CSNK1D: variants seen among roughly 807,000 people sequenced by gnomAD.
The protein encoded by CSNK1D is casein kinase I isoform delta.
Under a neutral mutation model 46.6 loss-of-function variants are expected in CSNK1D, and 16 were observed. The observed-to-expected ratio is 0.34, with a 90% confidence interval of 0.23 to 0.52. The LOEUF (loss-of-function observed/expected upper bound fraction) is 0.52, where lower values mean the gene tolerates loss of function less well. Ranked by LOEUF, CSNK1D falls within the 20% of genes least tolerant of loss-of-function variation. CSNK1D has a pLI of 0.95. For missense variants in CSNK1D, 398 were observed against 578.4 expected (o/e 0.69, Z 3.20); for synonymous variants, 276 against 228.2 (o/e 1.21, Z -1.89).
Position 82,248,541 on chromosome 17 carries a change from G to A in CSNK1D, c.1197+334C>T. ...TGGGGGCACCCACAATGGGGCGCAA[G>A]CAGGCGAGCGGTGTCAGCTGCCTGG... On this transcript the variant is annotated intron_variant, in intron 8 of 8. Coordinates refer to ENST00000314028, the MANE Select transcript of CSNK1D (RefSeq NM_001893.6). The surrounding 1 kb of genome is among the most constrained non-coding windows in gnomAD (Gnocchi z 4.1). 1 of 1,170,426 alleles carries A rather than the reference G, an allele frequency of 8.5e-7. No homozygotes were observed. Among genetic ancestry groups the A allele is most frequent in the Non-Finnish European group, 1.1e-6 (1 of 939,520 alleles). 72.5% of individuals were successfully genotyped at this position (1,170,426 alleles called of 1,614,324 possible).
Position 82,246,616 on chromosome 17 carries a change from C to A in CSNK1D, c.1198-1785G>T. Reference sequence around the variant, plus strand: ...AGAGAGGGGGCGAAGAGGGAACAGACCCAGGCGGAGTCCGGGCTGGGGCGG... The same window carrying A: ...AGAGAGGGGGCGAAGAGGGAACAGAACCAGGCGGAGTCCGGGCTGGGGCGG... On this transcript the variant is annotated intron_variant, in intron 8 of 8. Coordinates refer to ENST00000314028, the MANE Select transcript of CSNK1D (RefSeq NM_001893.6). The A allele has an allele frequency of 4.0e-6, 4 of 1,010,918 alleles. No individual in the cohort carries two copies. The South Asian group carries it at 1.2e-4, about 30-fold the overall frequency. The allele number at this position is 1,010,918 out of a possible 1,614,324, so 62.6% of individuals were successfully genotyped here.
rs1311904141 is a variant in CSNK1D, at chr17:82,248,736, G to A, written c.1197+139C>T. The A allele has an allele frequency of 6.0e-6, 9 of 1,489,196 alleles. No individual in the cohort carries two copies. Among genetic ancestry groups the A allele is most frequent in the Admixed American group, 2.2e-5 (1 of 46,066 alleles). 92.2% of individuals were successfully genotyped at this position (1,489,196 alleles called of 1,614,324 possible). A position where few individuals can be genotyped will look rare whatever the true frequency, so the allele number is the denominator to read the frequency against. On this transcript the variant is annotated intron_variant, in intron 8 of 8. Coordinates refer to ENST00000314028, the MANE Select transcript of CSNK1D (RefSeq NM_001893.6). The surrounding 1 kb of genome is among the most constrained non-coding windows in gnomAD (Gnocchi z 4.1). ...GAGAAGCCTCATCTGCAACCAAGACGCCACACCCTGGCGAGATTAAAAACT... is the reference window on the plus strand; with the variant it reads ...GAGAAGCCTCATCTGCAACCAAGACACCACACCCTGGCGAGATTAAAAACT...
At position 82,252,680 on chromosome 17, in the gene CSNK1D, C is replaced by T; in HGVS notation, c.566-76G>A. 1 of 1,442,292 alleles carries T rather than the reference C, an allele frequency of 6.9e-7. No individual in the cohort carries two copies. The highest frequency in any genetic ancestry group is 9.5e-7 in the Non-Finnish European group (1 of 1,052,896). 89.3% of individuals were successfully genotyped at this position (1,442,292 alleles called of 1,614,324 possible). ...AAAGCAAAAGACCCGGCTGGCCGTT[C>T]CAGTGGAGACTAGCCTCAGACACAC... On this transcript the variant is annotated intron_variant, in intron 4 of 8. Coordinates refer to ENST00000314028, the MANE Select transcript of CSNK1D (RefSeq NM_001893.6). This position sits in a 1 kb window ranked among gnomAD's most constrained non-coding sequence, Gnocchi z 4.6.
downstream of CSNK1D, chr17:82,240,141 C>T: frequency 9.1e-7 from 1 of 1,098,968 alleles, no homozygotes. Flanking sequence ...GCCAGCTGGG[C>T]TTGAGCTCTT....
At chr17:82,264,489 G>A (rs1401994205) in intron 2 of CSNK1D, among the ~76,000 whole-genome samples, 4 of 152,206 alleles carry the variant, frequency 2.6e-5, no homozygotes, top group Admixed American at 1.3e-4. Flanking sequence ...CTGGCCCACC[G>A]TGGAACACCA....
rs752681650 is a variant in CSNK1D at position 82,244,436 on chromosome 17, G to A, written c.*345C>T. On this transcript the variant is annotated 3_prime_UTR_variant, in exon 9 of 9. Transcript: ENST00000314028. The stretch of plus-strand genomic sequence containing the variant: ...ACTGTCTTAACCAAGTAGAAGATTG[G>A]TAGTTACAGTGGAATCGTCAGGGAG... 1 of 1,281,758 alleles carries A rather than the reference G, an allele frequency of 7.8e-7. No individual in the cohort carries two copies. Among genetic ancestry groups the A allele is most frequent in the Non-Finnish European group, 1.0e-6 (1 of 1,004,808 alleles). 79.4% of individuals were successfully genotyped at this position (1,281,758 alleles called of 1,614,324 possible). A position where few individuals can be genotyped will look rare whatever the true frequency, so the allele number is the denominator to read the frequency against.
rs2147146614 is a variant in CSNK1D at position 82,243,032 on chromosome 17, A to C, written c.*1749T>G. ...TTCAAGAAGGGGTCCAGCAACAAAG[A>C]AAATCTCTTAACTCGGCTCTGACCC... On this transcript the variant is annotated 3_prime_UTR_variant, in exon 9 of 9. Transcript: ENST00000314028. 1 of 985,410 alleles carries C rather than the reference A, an allele frequency of 1.0e-6. No homozygotes were observed. Among genetic ancestry groups the C allele is most frequent in the Non-Finnish European group, 1.2e-6 (1 of 829,938 alleles). 61.0% of individuals were successfully genotyped at this position (985,410 alleles called of 1,614,324 possible).
At position 82,255,465 on chromosome 17, in the gene CSNK1D, G is replaced by T; in HGVS notation, c.300C>A (p.Phe100Leu). ...CAAGCAGCAGGACGGTTTTGAGGCTGAATTTCCTGGAGCAGAAGTTGAAGA... is the reference window on the plus strand; with the variant it reads ...CAAGCAGCAGGACGGTTTTGAGGCTTAATTTCCTGGAGCAGAAGTTGAAGA... ...EDLFNFCSRK[F>L]SLKTVLLLAD... Residue 100 changes from phenylalanine to leucine, a missense_variant, in exon 3 of 9, where the codon TTC (phenylalanine) becomes TTA (leucine). By Grantham distance (22) the Phe-to-Leu change is conservative. Around this residue, in one of 2 missense-constraint regions of CSNK1D, gnomAD observed 217 missense variants for 370.3 expected, o/e 0.59. Transcript: ENST00000314028. This position sits in a 1 kb window ranked among gnomAD's most constrained non-coding sequence, Gnocchi z 5.9. 1 of 1,614,214 alleles carries T rather than the reference G, an allele frequency of 6.2e-7. No individual in the cohort carries two copies. The highest frequency in any genetic ancestry group is 8.5e-7 in the Non-Finnish European group (1 of 1,180,036).
At chr17:82,256,664 G>A (rs1047930708) in intron 2 of CSNK1D, among the ~76,000 whole-genome samples, 4 of 152,262 alleles carry the variant, frequency 2.6e-5, no homozygotes, top group East Asian at 1.9e-4. Flanking sequence ...AATGTGCACC[G>A]CAGCCTCACG....
At chr17:82,240,530 C>T (rs928060980), downstream of CSNK1D, among the ~76,000 whole-genome samples, 11 of 152,130 alleles carry the variant, frequency 7.2e-5, no homozygotes, top group South Asian at 2.1e-4. Flanking sequence ...GGTCATGGGC[C>T]GGGTGAGGGG....
intron 3 of CSNK1D, among the ~76,000 whole-genome samples, chr17:82,254,925 G>A (rs1337851594): frequency 7.3e-6 from 1 of 136,754 alleles, no homozygotes; most frequent in Non-Finnish European, 1.6e-5. Context: ...AGAAGCCAGT[G>A]AGCTGAGCCA....
At position 82,242,677 on chromosome 17, in the gene CSNK1D, G is replaced by C; in HGVS notation, c.*2104C>G. Reference sequence around the variant, plus strand: ...GAAAGGGGAGGGAAGAAAGGTAGAAGTCATTATGAATTTATTATTTACACG... The same window carrying C: ...GAAAGGGGAGGGAAGAAAGGTAGAACTCATTATGAATTTATTATTTACACG... On this transcript the variant is annotated 3_prime_UTR_variant, in exon 9 of 9. Coordinates refer to ENST00000314028, the MANE Select transcript of CSNK1D (RefSeq NM_001893.6). 1.0e-6 allele frequency: 1 copy of C among 985,416 alleles called. No homozygotes were observed. The highest frequency in any genetic ancestry group is 1.2e-6 in the Non-Finnish European group (1 of 829,868). The allele number at this position is 985,416 out of a possible 1,614,324, so 61.0% of individuals were successfully genotyped here.
At chr17:82,241,237 G>A (rs1198384443), downstream of CSNK1D, among the ~76,000 whole-genome samples, 2 of 152,224 alleles carry the variant, frequency 1.3e-5, no homozygotes, top group Non-Finnish European at 2.9e-5. Context: ...GAACAGATGT[G>A]TGCAAGGCCT....
chr17:82,270,126 C>G (rs2051581941), intron 1 of CSNK1D, among the ~76,000 whole-genome samples: 1 of 152,350 alleles, frequency 6.6e-6, no homozygotes, highest in East Asian at 1.9e-4. Context: ...AGACTGAAGA[C>G]AGATTGTTCT....
intron 2 of CSNK1D, among the ~76,000 whole-genome samples, chr17:82,257,801 G>T (rs1041079938): frequency 2.0e-5 from 3 of 152,212 alleles, no homozygotes; most frequent in Admixed American, 2.0e-4. Flanking sequence ...CTCAATGTCC[G>T]GCATCCAAAG....
At chr17:82,241,394 C>T (rs534598752), downstream of CSNK1D, among the ~76,000 whole-genome samples, 45 of 152,362 alleles carry the variant, frequency 3.0e-4, no homozygotes, top group South Asian at 2.7e-3. Flanking sequence ...CTCTTTTCAG[C>T]GTCTAAACCA....
Position 82,259,513 on chromosome 17 carries a change from G to T in CSNK1D, c.188-3936C>A, listed in dbSNP as rs570778942. Among the ~76,000 whole-genome samples, 41 of 152,322 alleles carry T rather than the reference G, an allele frequency of 2.7e-4. 1 individual carries two copies. In the South Asian group the frequency reaches 2.7e-3, roughly 10 times the overall value. ...ATAACCACCTTGGAAAAATCGATAT[G>T]TATCAATATGCAGACGTCTGCGTTA... On this transcript the variant is annotated intron_variant, in intron 2 of 8. Coordinates refer to ENST00000314028, the MANE Select transcript of CSNK1D (RefSeq NM_001893.6).
chr17:82,249,165 G>T lies in CSNK1D; in HGVS notation c.1058-151C>A. On this transcript the variant is annotated intron_variant, in intron 7 of 8. Transcript: ENST00000314028. The surrounding 1 kb of genome is among the most constrained non-coding windows in gnomAD (Gnocchi z 6.7). ...CGATGGCCACCAACACTCAGATCCG[G>T]CCGGAGGGACACAAAGGGACATGGG... is the stretch of plus-strand genomic sequence containing the variant. 9.9e-7 allele frequency: 1 copy of T among 1,009,994 alleles called. No homozygotes were observed. The highest frequency in any genetic ancestry group is 1.4e-6 in the Non-Finnish European group (1 of 699,220). The allele number at this position is 1,009,994 out of a possible 1,614,324, so 62.6% of individuals were successfully genotyped here.
At chr17:82,240,130 C>G, downstream of CSNK1D, 1 of 1,182,750 alleles carries the variant, frequency 8.5e-7, no homozygotes. Flanking sequence ...CCTGGCCTTG[C>G]GCCAGCTGGG....
Sources: allele counts gnomAD v4.1 joint callset (sites outside exome capture counted in the v4.1 genomes callset), GRCh38; gene constraint gnomAD v4.1.1; regional missense constraint gnomAD v4.1.1; non-coding constraint Gnocchi (gnomAD v3.1); transcripts MANE v1.5; gene names NCBI Gene and HGNC (gene_info 2026-07-23, HGNC 2026-07-21).